The following RSPH14 variants were observed in gnomAD, a reference collection of about 807,000 sequenced individuals.
RSPH14 encodes the protein rhabdoid tumor deletion region gene 1.
RSPH14 carries 20 observed loss-of-function variants against 26.7 expected under a neutral mutation model. That is an observed-to-expected ratio of 0.75 (90% CI 0.53 to 1.09). The LOEUF is 1.09. Among genes scored for constraint, RSPH14 ranks in the 50% least tolerant of loss-of-function variants. The probability of loss-of-function intolerance (pLI) is 0.00; values close to 1 mark genes in which losing one functional copy is unlikely to be tolerated. For synonymous variants in RSPH14, 177 were observed against 189.3 expected (o/e 0.93, Z 0.53); for missense variants, 449 against 457.2 (o/e 0.98, Z 0.16).
chr22:23,105,643 G>A (rs564645941), intron 4 of RSPH14, among the ~76,000 whole-genome samples: 15 of 152,358 alleles, frequency 9.8e-5, no homozygotes, highest in South Asian at 4.1e-4. Context: ...CTCACACTGT[G>A]CTTTCTTCGC....
At chr22:23,150,275 G>T in the RSPH14 span, 2 of 718,838 alleles carry the variant, frequency 2.8e-6, no homozygotes, top group Admixed American at 2.7e-5. Flanking sequence ...GTACAGGCCT[G>T]AAGATGACTG....
At chr22:23,110,269 G>A (rs1246861946) in intron 4 of RSPH14, among the ~76,000 whole-genome samples, 1 of 152,064 alleles carries the variant, frequency 6.6e-6, no homozygotes, top group Non-Finnish European at 1.5e-5. Context: ...TTTGAGCCTC[G>A]TGAGCCCAGG....
At chr22:23,111,263 T>C (rs1322980005) in intron 4 of RSPH14, among the ~76,000 whole-genome samples, 1 of 152,030 alleles carries the variant, frequency 6.6e-6, no homozygotes. Flanking sequence ...AGGTGGAGAG[T>C]AGCAGAGCCA....
chr22:23,172,289 G>A, the RSPH14 span, among the ~76,000 whole-genome samples: 14 of 152,114 alleles, frequency 9.2e-5, no homozygotes, highest in South Asian at 8.3e-4. Context: ...GTGATGGTGC[G>A]CGTATAGTCC....
chr22:23,154,760 G>C, the RSPH14 span, among the ~76,000 whole-genome samples: 1 of 152,164 alleles, frequency 6.6e-6, no homozygotes, highest in South Asian at 2.1e-4. Context: ...CTTCAGAAAT[G>C]AAAGAAAATA....
chr22:23,168,805 G>T, the RSPH14 span, among the ~76,000 whole-genome samples: 1 of 152,192 alleles, frequency 6.6e-6, no homozygotes, highest in Non-Finnish European at 1.5e-5. Flanking sequence ...CCTGTCCCTG[G>T]GCACTGTCAG....
upstream of RSPH14, among the ~76,000 whole-genome samples, chr22:23,146,877 C>G (rs2070808114): frequency 1.3e-5 from 2 of 152,204 alleles, no homozygotes; most frequent in Non-Finnish European, 2.9e-5. Flanking sequence ...TGACACTGGG[C>G]AGCAGTGTGG....
Position 23,071,689 on chromosome 22 carries a change from C to T in RSPH14, c.422-7556G>A, listed in dbSNP as rs1412777034. On this transcript the variant is annotated intron_variant, in intron 4 of 6. Transcript: ENST00000216036. This position sits in a 1 kb window ranked among gnomAD's most constrained non-coding sequence, Gnocchi z 4.1. The stretch of plus-strand genomic sequence containing the variant: ...GGGAAAACGTCTCTACTCGACCAAC[C>T]CCGCTTGAGTGCAGGTGCAGGGGCC... Among the ~76,000 whole-genome samples, 8 of 152,204 alleles carry T rather than the reference C, an allele frequency of 5.3e-5. No individual in the cohort carries two copies. Among genetic ancestry groups the T allele is most frequent in the Non-Finnish European group, 1.0e-4 (7 of 68,046 alleles).
rs1218704693 is a variant in RSPH14, at chr22:23,063,998, G to T, written c.557C>A (p.Ala186Asp). 9 of 1,614,088 alleles carry T rather than the reference G, an allele frequency of 5.6e-6. No homozygotes were observed. The highest frequency in any genetic ancestry group is 5.1e-6 in the Non-Finnish European group (6 of 1,180,040). The change falls in exon 5 of 7, where the codon GCC (alanine) becomes GAC (aspartate). Residue 186 changes from alanine (A) to aspartate (D), a missense_variant. Coordinates refer to ENST00000216036, the MANE Select transcript of RSPH14 (RefSeq NM_014433.3). ...VLCLQEDATEALGSNVVLVLK... is the reference protein window; with the variant it reads ...VLCLQEDATEDLGSNVVLVLK... The stretch of plus-strand genomic sequence containing the variant: ...GACAAGCACCACATTGCTGCCCAGG[G>T]CCTCGGTGGCATCCTCCTGCAGGCA...
chr22:23,127,615 G>T (rs1160828812), intron 4 of RSPH14, among the ~76,000 whole-genome samples: 1 of 152,200 alleles, frequency 6.6e-6, no homozygotes, highest in Non-Finnish European at 1.5e-5. Context: ...AAGGCCACTA[G>T]CCTGGAATGA....
chr22:23,095,686 C>T (rs1274132042), intron 4 of RSPH14: 1 of 1,595,690 alleles, frequency 6.3e-7, no homozygotes, highest in East Asian at 2.2e-5. Context: ...GGGCCCGCTG[C>T]TGCCAGACCA....
the RSPH14 span, among the ~76,000 whole-genome samples, chr22:23,151,333 G>A: frequency 1.3e-5 from 2 of 152,328 alleles, no homozygotes; most frequent in South Asian, 2.1e-4. Context: ...GGTACCTGCT[G>A]TAAGACCTTG....
chr22:23,180,588 C>CGGCGGG, the RSPH14 span: 1 of 35,212 alleles, frequency 2.8e-5, no homozygotes, highest in Admixed American at 1.3e-3. Context: ...GCGGCGGCGG[C>CGGCGGG]GGCACGGCGG....
At position 23,139,396 on chromosome 22, in the gene RSPH14, G is replaced by A. The variant is rs544130169; in HGVS notation, c.200-454C>T. Among the ~76,000 whole-genome samples the A allele has an allele frequency of 2.8e-3, 429 of 152,334 alleles. 2 individuals are homozygous for A. The highest frequency in any genetic ancestry group is 9.8e-3 in the African/African-American group (406 of 41,570). On this transcript the variant is annotated intron_variant, in intron 2 of 6. Transcript: ENST00000216036. The stretch of plus-strand genomic sequence containing the variant: ...AGCACTTTGGGAGGCCAAGGCAAGC[G>A]GATCACCTGAGATCAGGAGTTCAAG...
At position 23,099,261 on chromosome 22, in the gene RSPH14, G is replaced by A. The variant is rs184399679; in HGVS notation, c.421+34765C>T. Among the ~76,000 whole-genome samples, 856 of 152,400 alleles carry A rather than the reference G, an allele frequency of 5.6e-3. 3 individuals are homozygous for A. Among genetic ancestry groups the A allele is most frequent in the Non-Finnish European group, 8.6e-3 (588 of 68,046 alleles). On this transcript the variant is annotated intron_variant, in intron 4 of 6. Transcript: ENST00000216036. Reference sequence around the variant, plus strand: ...GTGCAGGGCAGCACCTCAGAGCAGGGAAGGCAGATTTCCGGGTGTCTGTGG... The same window carrying A: ...GTGCAGGGCAGCACCTCAGAGCAGGAAAGGCAGATTTCCGGGTGTCTGTGG...
chr22:23,095,833 G>A (rs2069107129), intron 4 of RSPH14: 1 of 1,613,756 alleles, frequency 6.2e-7, no homozygotes, highest in Non-Finnish European at 8.5e-7. Context: ...ACTCAGGCAA[G>A]AGCACCATCG....
chr22:23,176,929 T>C, the RSPH14 span, among the ~76,000 whole-genome samples: 1 of 152,258 alleles, frequency 6.6e-6, no homozygotes, highest in Non-Finnish European at 1.5e-5. Flanking sequence ...ACGTTTCAGA[T>C]GCTCAGTAAT....
At chr22:23,150,878 C>T in the RSPH14 span, among the ~76,000 whole-genome samples, 1 of 152,218 alleles carries the variant, frequency 6.6e-6, no homozygotes, top group Non-Finnish European at 1.5e-5. Context: ...CCCCCAAGAA[C>T]TTATCTCACA....
chr22:23,096,156 C>T, intron 4 of RSPH14: 1 of 1,613,080 alleles, frequency 6.2e-7, no homozygotes, highest in Non-Finnish European at 8.5e-7. Flanking sequence ...GACAACGCGG[C>T]CTACTACCTG....
Sources: gnomAD v4.1 joint callset for allele counts (sites outside exome capture counted in the v4.1 genomes callset) on GRCh38, gnomAD v4.1.1 for gene constraint, Gnocchi (gnomAD v3.1) non-coding constraint, MANE v1.5 for transcripts, NCBI Gene and HGNC (gene_info 2026-07-23, HGNC 2026-07-21) for gene names.